TEK: variants seen among roughly 807,000 people sequenced by gnomAD.
TEK encodes angiopoietin-1 receptor.
In TEK, 43 loss-of-function variants were observed where a neutral mutation model predicts 131.8. That is an observed-to-expected ratio of 0.33 (90% CI 0.26 to 0.42). The LOEUF is 0.42. Among genes scored for constraint, TEK ranks in the 10% least tolerant of loss-of-function variants. The probability of loss-of-function intolerance (pLI) is 1.00; values close to 1 mark genes in which losing one functional copy is unlikely to be tolerated. For synonymous variants in TEK, 580 were observed against 491.6 expected (o/e 1.18, Z -2.38); for missense variants, 1,162 against 1,384.4 (o/e 0.84, Z 2.55).
At chr9:27,132,085 C>CTT (rs1209518877) in intron 1 of TEK, among the ~76,000 whole-genome samples, 14 of 135,814 alleles carry the variant, frequency 1.0e-4, no homozygotes, top group African/African-American at 2.1e-4. Context: ...TATTTTTATT[C>CTT]TTTTTTTTTT....
chr9:27,156,711 A>G (rs1587529406), intron 1 of TEK, among the ~76,000 whole-genome samples: 2 of 152,202 alleles, frequency 1.3e-5, no homozygotes, highest in East Asian at 3.9e-4. Flanking sequence ...ATAATGGTGC[A>G]TACCTCACAG....
In TEK at chr9:27,209,004, G is replaced by A. The variant is rs1825503619; in HGVS notation, c.2576-117G>A. ...ACTCTACTTTAGAGTAATCTCTTTG[G>A]TTGTATACAGTTGATGGTGACTGAG... On this transcript the variant is annotated intron_variant, in intron 15 of 22. Transcript: ENST00000380036. 3 of 727,074 alleles carry A rather than the reference G, an allele frequency of 4.1e-6. No individual in the cohort carries two copies. The East Asian group carries it at 8.0e-5, about 19-fold the overall frequency. The allele number at this position is 727,074 out of a possible 1,614,324, so 45.0% of individuals were successfully genotyped here.
chr9:27,187,923 G>C (rs1824659497), intron 9 of TEK, among the ~76,000 whole-genome samples: 1 of 152,036 alleles, frequency 6.6e-6, no homozygotes, highest in South Asian at 2.1e-4. Context: ...CTTCTTTAAA[G>C]GCCTTATGTC....
intron 1 of TEK, among the ~76,000 whole-genome samples, chr9:27,136,778 T>G (rs1488310853): frequency 6.6e-6 from 1 of 152,158 alleles, no homozygotes; most frequent in Non-Finnish European, 1.5e-5. Context: ...TTTTTTTCTC[T>G]TTCCTTTTGT....
intron 6 of TEK, among the ~76,000 whole-genome samples, chr9:27,174,941 T>C (rs1824105869): frequency 6.7e-6 from 1 of 150,302 alleles, no homozygotes; most frequent in African/African-American, 2.5e-5. Flanking sequence ...GTAGTGAATG[T>C]GTCTCTGGGC....
chr9:27,132,858 A>T (rs1822276169), intron 1 of TEK, among the ~76,000 whole-genome samples: 1 of 152,214 alleles, frequency 6.6e-6, no homozygotes. Context: ...AGGGAGGTAG[A>T]AAGAGAGAGA....
intron 1 of TEK, among the ~76,000 whole-genome samples, chr9:27,152,797 C>A (rs1226309161): frequency 6.6e-6 from 1 of 151,976 alleles, no homozygotes. Context: ...TAATTAAATT[C>A]TATAATATGG....
intron 18 of TEK, among the ~76,000 whole-genome samples, chr9:27,215,028 T>G (rs1825767056): frequency 6.6e-6 from 1 of 152,182 alleles, no homozygotes; most frequent in South Asian, 2.1e-4. Flanking sequence ...CCTGAAATCC[T>G]TTTCCCTGCT....
chr9:27,158,109 A>G lies in TEK; in HGVS notation c.331A>G (p.Ile111Val), dbSNP rs749598237. 7.4e-6 allele frequency: 12 copies of G among 1,614,052 alleles called. No individual in the cohort carries two copies. The African/African-American group carries it at 1.2e-4, about 16-fold the overall frequency. ...TGAAGGGCGAGTTCGAGGAGAGGCA[A>G]TCAGGATACGAACCATGAAGATGCG... ...FCEGRVRGEAIRIRTMKMRQQ... is the reference protein window; with the variant it reads ...FCEGRVRGEAVRIRTMKMRQQ... Residue 111 changes from isoleucine (I) to valine (V), a missense_variant, in exon 2 of 23, where the codon ATC becomes GTC. Transcript: ENST00000380036.
intron 18 of TEK, among the ~76,000 whole-genome samples, chr9:27,216,216 G>T (rs145739933): frequency 3.5e-4 from 54 of 152,308 alleles, no homozygotes; most frequent in African/African-American, 1.3e-3. Context: ...TTGCCATTTA[G>T]CATGATCATC....
intron 1 of TEK, among the ~76,000 whole-genome samples, chr9:27,127,077 A>G (rs754330016): frequency 2.8e-4 from 43 of 152,204 alleles, no homozygotes; most frequent in Non-Finnish European, 4.7e-4. Context: ...TGCTGCAGCT[A>G]TCAACCCATC....
intron 12 of TEK, among the ~76,000 whole-genome samples, chr9:27,202,000 A>G (rs1564094350): frequency 6.6e-6 from 1 of 152,208 alleles, no homozygotes; most frequent in Non-Finnish European, 1.5e-5. Flanking sequence ...TAAGGACAAG[A>G]GCTCGAATCC....
At position 27,132,642 on chromosome 9, in the gene TEK, T is replaced by C. The variant is rs370695946; in HGVS notation, c.52+23000T>C. 2.4e-3 allele frequency among the ~76,000 whole-genome samples: 362 copies of C among 152,344 alleles called. 2 individuals carry two copies. The highest frequency in any genetic ancestry group is 8.0e-3 in the African/African-American group (331 of 41,580). ...TTTTAAAGTTTGGGAACAAAAACTATAAAATGAGAACTCTGAGTTATTTCA... is the reference window on the plus strand; with the variant it reads ...TTTTAAAGTTTGGGAACAAAAACTACAAAATGAGAACTCTGAGTTATTTCA... On this transcript the variant is annotated intron_variant, in intron 1 of 22. Coordinates refer to ENST00000380036, the MANE Select transcript of TEK (RefSeq NM_000459.5).
At chr9:27,133,207 G>A (rs1299208637) in intron 1 of TEK, among the ~76,000 whole-genome samples, 1 of 152,162 alleles carries the variant, frequency 6.6e-6, no homozygotes, top group Non-Finnish European at 1.5e-5. Flanking sequence ...TGGCAGAAGT[G>A]TGAGGGTAAA....
chr9:27,133,805 A>G (rs1822315999), intron 1 of TEK, among the ~76,000 whole-genome samples: 1 of 152,234 alleles, frequency 6.6e-6, no homozygotes, highest in South Asian at 2.1e-4. Flanking sequence ...TTTAGGTGTA[A>G]CATATTGTCT....
Position 27,109,460 on chromosome 9 carries a change from C to G in TEK, c.-131C>G, listed in dbSNP as rs957353596. On this transcript the variant is annotated 5_prime_UTR_variant, in exon 1 of 23. Coordinates refer to ENST00000380036, the MANE Select transcript of TEK (RefSeq NM_000459.5). ...ACAGCCTGCTTCTGTGCTGTTCCTT[C>G]TTGCCTCTAACTTGTAAACAAGACG... 1 of 913,522 alleles carries G rather than the reference C, an allele frequency of 1.1e-6. No homozygotes were observed. The highest frequency in any genetic ancestry group is 1.8e-6 in the Non-Finnish European group (1 of 545,270). The allele number at this position is 913,522 out of a possible 1,614,324, so 56.6% of individuals were successfully genotyped here. A position where few individuals can be genotyped will look rare whatever the true frequency, so the allele number is the denominator to read the frequency against.
chr9:27,116,412 C>T (rs986104377), intron 1 of TEK, among the ~76,000 whole-genome samples: 1 of 152,142 alleles, frequency 6.6e-6, no homozygotes, highest in African/African-American at 2.4e-5. Context: ...CCTCAGCCTC[C>T]TGAATAACTG....
intron 1 of TEK, among the ~76,000 whole-genome samples, chr9:27,126,659 C>T (rs1755130482): frequency 1.3e-5 from 2 of 152,196 alleles, no homozygotes; most frequent in South Asian, 2.1e-4. Flanking sequence ...AGAGAAACTG[C>T]TCCAGTCTAG....
chr9:27,121,104 C>T (rs980479787), intron 1 of TEK, among the ~76,000 whole-genome samples: 2 of 152,076 alleles, frequency 1.3e-5, no homozygotes, highest in Non-Finnish European at 2.9e-5. Flanking sequence ...AGCGAATCAC[C>T]TGAGGTCAGG....
Sources: allele counts gnomAD v4.1 joint callset (sites outside exome capture counted in the v4.1 genomes callset), GRCh38; gene constraint gnomAD v4.1.1; transcripts MANE v1.5; gene names NCBI Gene and HGNC (gene_info 2026-07-23, HGNC 2026-07-21).